The following COL11A1 variants were observed in gnomAD, a reference collection of about 807,000 sequenced individuals.
COL11A1 encodes the protein collagen alpha-1(XI) chain.
COL11A1 carries 74 observed loss-of-function variants against 265.2 expected under a neutral mutation model. That is an observed-to-expected ratio of 0.28 (90% confidence interval 0.23 to 0.34). COL11A1 has a LOEUF of 0.34. Ranked by LOEUF, COL11A1 falls within the 10% of genes least tolerant of loss-of-function variation. The probability of loss-of-function intolerance (pLI) is 1.00; values close to 1 mark genes in which losing one functional copy is unlikely to be tolerated. For missense variants in COL11A1, 2,165 were observed against 2,263.6 expected, an observed-to-expected ratio of 0.96 and a Z score of 0.88; for synonymous variants, 816 against 727.6, an observed-to-expected ratio of 1.12 and a Z score of -1.96.
intron 4 of COL11A1, 45 bp from the exon 5 acceptor site, chr1:103,031,289 T>C: frequency 6.3e-7 from 1 of 1,586,586 alleles, no homozygotes; most frequent in Non-Finnish European, 8.5e-7. Context: ...CAGATTCAGT[T>C]AGCATATTAA....
chr1:102,886,089 C>T (rs1029438236), intron 63 of COL11A1, among the ~76,000 whole-genome samples: 3 of 152,150 alleles, frequency 2.0e-5, no homozygotes, highest in African/African-American at 7.2e-5. Flanking sequence ...AATAGTTCAA[C>T]ATGCAGTGGG....
rs182191969 is a variant in COL11A1 at position 102,960,802 on chromosome 1, G to A, written c.3168+1064C>T. On this transcript the variant is annotated intron_variant, in intron 41 of 66. Transcript: ENST00000370096. ...ACTATGAAGATGACTTGCTGGCTAG[G>A]ATAAGGAGCTTGGTTTCCAAAGGCA... 4.6e-5 allele frequency among the ~76,000 whole-genome samples: 7 copies of A among 151,318 alleles called. No individual in the cohort carries two copies. In the East Asian group the frequency reaches 7.7e-4, roughly 17 times the overall value.
intron 4 of COL11A1, among the ~76,000 whole-genome samples, chr1:103,067,731 T>C (rs1022135482): frequency 6.6e-6 from 1 of 151,536 alleles, no homozygotes; most frequent in African/African-American, 2.4e-5. Flanking sequence ...GGGGGGAAAA[T>C]ACAAATTATT....
chr1:102,915,523 G>T, intron 50 of COL11A1, 108 bp downstream of exon 50: 1 of 930,848 alleles, frequency 1.1e-6, no homozygotes, highest in South Asian at 1.3e-5. Flanking sequence ...GAGTTGGGAA[G>T]GGAAAGTAAA....
chr1:102,960,479 T>G (rs201686857), intron 41 of COL11A1, among the ~76,000 whole-genome samples: 1 of 23,094 alleles, frequency 4.3e-5, no homozygotes, highest in African/African-American at 5.6e-5. Context: ...GGTCACTGGG[T>G]GTGTGTGTGG....
chr1:102,953,499 C>G (rs1023020256), intron 41 of COL11A1, among the ~76,000 whole-genome samples: 10 of 152,050 alleles, frequency 6.6e-5, no homozygotes, highest in Non-Finnish European at 1.5e-4. Context: ...CAATGCCTGT[C>G]ATAATAGAGA....
intron 4 of COL11A1, among the ~76,000 whole-genome samples, chr1:103,063,828 C>T (rs1670860306): frequency 6.6e-6 from 1 of 152,036 alleles, no homozygotes; most frequent in Non-Finnish European, 1.5e-5. Flanking sequence ...GGACTGTTAT[C>T]CAAAACATAC....
intron 11 of COL11A1, among the ~76,000 whole-genome samples, chr1:103,017,161 T>C (rs1666632401): frequency 1.3e-5 from 2 of 152,118 alleles, no homozygotes; most frequent in Admixed American, 1.3e-4. Flanking sequence ...ACACTTCTTA[T>C]GTCCTCTGAC....
chr1:102,983,460 A>G (rs1296213879), intron 31 of COL11A1, among the ~76,000 whole-genome samples: 3 of 152,064 alleles, frequency 2.0e-5, no homozygotes, highest in African/African-American at 4.8e-5. Context: ...TTCTTACAAG[A>G]GACAGAAGAG....
At chr1:102,989,639 A>G (rs1340123800) in intron 28 of COL11A1, 68 bp from the exon 29 acceptor site, 18 of 1,101,460 alleles carry the variant, frequency 1.6e-5, no homozygotes, top group Non-Finnish European at 2.5e-5. Flanking sequence ...AAATATTGCT[A>G]TAAAAATTTA....
At chr1:102,923,303 C>G (rs1172516951) in intron 47 of COL11A1, 33 bp downstream of exon 47, 1 of 1,568,224 alleles carries the variant, frequency 6.4e-7, no homozygotes. Context: ...GCATATAACA[C>G]ATACCCATCA....
rs78218587 is a variant in COL11A1 at position 102,994,364 on chromosome 1, G to A, written c.2340+1500C>T. Among the ~76,000 whole-genome samples, 5 of 152,196 alleles carry A rather than the reference G, an allele frequency of 3.3e-5. No homozygotes were observed. The East Asian group carries it at 7.8e-4, about 24-fold the overall frequency. ...ACCATCTCCTTGATGCTGTCCTCCT[G>A]ATAGTGAGTGCCTTCTCAGGAGATT... On this transcript the variant is annotated intron_variant, in intron 28 of 66. Transcript: ENST00000370096.
intron 24 of COL11A1, among the ~76,000 whole-genome samples, chr1:103,000,354 G>GA (rs1365108578): frequency 6.6e-6 from 1 of 151,406 alleles, no homozygotes; most frequent in Non-Finnish European, 1.5e-5. Flanking sequence ...AACATCCACA[G>GA]AAAAAAGTAC....
chr1:102,944,947 C>T (rs1428666392), intron 42 of COL11A1, among the ~76,000 whole-genome samples: 1 of 152,076 alleles, frequency 6.6e-6, no homozygotes, highest in East Asian at 1.9e-4. Flanking sequence ...TATATTTTCT[C>T]AGCATATTAA....
intron 41 of COL11A1, among the ~76,000 whole-genome samples, chr1:102,957,155 G>C (rs974150763): frequency 1.3e-5 from 2 of 151,918 alleles, no homozygotes; most frequent in South Asian, 4.1e-4. Flanking sequence ...TCTATGGAGT[G>C]TCATAATAAC....
At chr1:103,073,724 A>T (rs1044065167) in intron 4 of COL11A1, among the ~76,000 whole-genome samples, 2 of 151,968 alleles carry the variant, frequency 1.3e-5, no homozygotes, top group Non-Finnish European at 2.9e-5. Flanking sequence ...CAGGAATGAA[A>T]TAGTCTAGCT....
chr1:103,077,319 T>C (rs555433350), intron 3 of COL11A1, among the ~76,000 whole-genome samples: 76 of 152,128 alleles, frequency 5.0e-4, no homozygotes, highest in African/African-American at 1.7e-3. Context: ...AATAAATTGA[T>C]GTTTTTGTTT....
intron 44 of COL11A1, among the ~76,000 whole-genome samples, chr1:102,938,387 A>T (rs34589622): frequency 8.7e-5 from 3 of 34,508 alleles, no homozygotes; most frequent in East Asian, 0.011. Flanking sequence ...AAGGGAAAAA[A>T]AAATTAAAAA....
At chr1:102,994,179 T>A (rs1195668482) in intron 28 of COL11A1, among the ~76,000 whole-genome samples, 1 of 152,114 alleles carries the variant, frequency 6.6e-6, no homozygotes, top group East Asian at 1.9e-4. Context: ...ATTGTAACCA[T>A]GAAAATAAAT....
Sources: allele counts gnomAD v4.1 joint callset (sites outside exome capture counted in the v4.1 genomes callset), GRCh38; gene constraint gnomAD v4.1.1; transcripts MANE v1.5; gene names NCBI Gene and HGNC (gene_info 2026-07-23, HGNC 2026-07-21).